The following LAMA1 variants were observed in gnomAD, a reference collection of about 807,000 sequenced individuals.
The protein encoded by LAMA1 is laminin subunit alpha-1.
A neutral mutation model predicts 348.7 loss-of-function variants in LAMA1; 219 were observed. The observed-to-expected ratio is 0.63, with a 90% CI of 0.56 to 0.70. The LOEUF is 0.70. LAMA1 is among the 30% of genes least tolerant of loss of function. The probability of loss-of-function intolerance (pLI) is 0.00; values close to 1 mark genes in which losing one functional copy is unlikely to be tolerated. For missense variants in LAMA1, 3,744 were observed against 3,888.0 expected (o/e 0.96, Z 0.99); for synonymous variants, 1,487 against 1,491.0 (o/e 1.00, Z 0.06).
intron 35 of LAMA1, 55 bp downstream of exon 35, chr18:6,993,586 G>T: frequency 8.2e-7 from 1 of 1,225,688 alleles, no homozygotes; most frequent in Non-Finnish European, 1.2e-6. Context: ...TAAAGCAATG[G>T]TGACTTCTTA....
chr18:7,076,272 A>T (rs1241143137), intron 3 of LAMA1, among the ~76,000 whole-genome samples: 1 of 152,208 alleles, frequency 6.6e-6, no homozygotes, highest in African/African-American at 2.4e-5. Context: ...AGGAAGTAAC[A>T]TTACAAGGAA....
At chr18:7,022,785 T>TTGGAATCCCAAGA (rs943848676) in intron 19 of LAMA1, among the ~76,000 whole-genome samples, 5 of 152,200 alleles carry the variant, frequency 3.3e-5, no homozygotes, top group African/African-American at 1.2e-4. Flanking sequence ...ACCCTTCATC[T>TTGGAATCCCAAGA]TGGAATCCCA....
intron 32 of LAMA1, among the ~76,000 whole-genome samples, chr18:6,998,229 A>G (rs1423911281): frequency 2.0e-5 from 3 of 152,224 alleles, no homozygotes; most frequent in African/African-American, 7.2e-5. Context: ...TGAAACAACT[A>G]TGAGCAAGCA....
At chr18:7,081,760 T>C (rs1419471392) in intron 1 of LAMA1, among the ~76,000 whole-genome samples, 1 of 152,216 alleles carries the variant, frequency 6.6e-6, no homozygotes, top group Non-Finnish European at 1.5e-5. Context: ...GCATGGACAC[T>C]GAGCTGAGAG....
At chr18:7,031,962 A>G (rs1044051062) in intron 16 of LAMA1, 104 bp downstream of exon 16, 6 of 815,220 alleles carry the variant, frequency 7.4e-6, no homozygotes, top group Non-Finnish European at 1.0e-5. Context: ...CTATGAGGCT[A>G]GGGTTATTCC....
chr18:7,080,374 A>G lies in LAMA1; in HGVS notation c.145T>C (p.Phe49Leu). 1 of 1,614,266 alleles carries G rather than the reference A, an allele frequency of 6.2e-7. No individual in the cohort carries two copies. Among genetic ancestry groups the G allele is most frequent in the Non-Finnish European group, 8.5e-7 (1 of 1,180,054 alleles). ...ATCGEKGPEMFCKLVEHVPGR... is the reference protein window; with the variant it reads ...ATCGEKGPEMLCKLVEHVPGR... ...GGCACATGCTCCACAAGTTTGCAGA[A>G]CATCTCCGGCCCCTTCTCGCCACAG... is the stretch of plus-strand genomic sequence containing the variant. Residue 49 changes from phenylalanine (F) to leucine (L), a missense_variant, in exon 2 of 63, where the codon TTC becomes CTC. Phe to Leu is a conservative substitution (Grantham distance 22). Around this residue, in one of 3 missense-constraint regions of LAMA1, gnomAD observed 1,529 missense variants for 1,689.4 expected, o/e 0.91. Coordinates refer to ENST00000389658, the MANE Select transcript of LAMA1 (RefSeq NM_005559.4).
intron 1 of LAMA1, among the ~76,000 whole-genome samples, chr18:7,113,915 A>G: frequency 6.6e-6 from 1 of 151,928 alleles, no homozygotes; most frequent in Non-Finnish European, 1.5e-5. Context: ...TCTCTACTAA[A>G]GAATACAAAA....
intron 50 of LAMA1, 127 bp from the exon 51 acceptor site, chr18:6,964,930 C>T: frequency 1.9e-6 from 2 of 1,080,060 alleles, no homozygotes; most frequent in South Asian, 1.3e-5. Flanking sequence ...CGAATTTGAT[C>T]AGCTAATGTT....
intron 48 of LAMA1, among the ~76,000 whole-genome samples, chr18:6,967,406 AG>A (rs1158748009): frequency 5.9e-5 from 9 of 152,190 alleles, no homozygotes; most frequent in Admixed American, 5.2e-4. Flanking sequence ...CATGTGCCGG[AG>A]GATAGAGACT....
intron 43 of LAMA1, 23 bp from the exon 44 acceptor site, chr18:6,977,904 G>A (rs764717083): frequency 1.9e-5 from 30 of 1,607,940 alleles, no homozygotes; most frequent in Non-Finnish European, 2.5e-5. Flanking sequence ...AGAAGGCAAG[G>A]GGTGGCAAGA....
rs1437237227 is a variant in LAMA1 at position 6,964,708 on chromosome 18, T to C, written c.7291A>G (p.Lys2431Glu). 6.2e-7 allele frequency: 1 copy of C among 1,614,116 alleles called. No individual in the cohort carries two copies. Reference protein sequence around the residue: ...GASSDLNRLDKDPIYVGGLPR... With the variant: ...GASSDLNRLDEDPIYVGGLPR... ...AATCCACCCACATAAATCGGGTCCT[T>C]GTCTAGGCGGTTGAGGTCAGAAGAT... is the stretch of plus-strand genomic sequence containing the variant. Residue 2431 changes from lysine (K) to glutamate (E), a missense_variant, in exon 51 of 63, where the codon AAG becomes GAG. By Grantham distance (56) the Lys-to-Glu change is moderately conservative. Transcript: ENST00000389658.
rs1415294834 is a variant in LAMA1, at chr18:6,965,291, G to C, written c.7192C>G (p.Gln2398Glu). Residue 2398 changes from glutamine to glutamate, a missense_variant, in exon 50 of 63, where the codon CAA becomes GAA. By Grantham distance (29) the Gln-to-Glu change is conservative (BLOSUM62 2). This residue lies in a region of LAMA1 where 1,983 missense variants were observed against 1,934.3 expected (regional missense o/e 1.03). Transcript: ENST00000389658. ...YKIAFQRNRK[Q>E]GVLAVIDAYN... ...GTGAGTCCATCTGTGTCCCTACCTTGCTTCCGGTTTCGCTGGAAGGCAATT... is the reference window on the plus strand; with the variant it reads ...GTGAGTCCATCTGTGTCCCTACCTTCCTTCCGGTTTCGCTGGAAGGCAATT... 1.2e-5 allele frequency: 19 copies of C among 1,614,042 alleles called. No homozygotes were observed. Among genetic ancestry groups the C allele is most frequent in the Non-Finnish European group, 1.6e-5 (19 of 1,180,030 alleles).
In LAMA1 at chr18:7,095,660, G is replaced by C. The variant is rs530620097; in HGVS notation, c.62-15203C>G. 5.9e-5 allele frequency among the ~76,000 whole-genome samples: 9 copies of C among 152,312 alleles called. No homozygotes were observed. In the South Asian group the frequency reaches 6.2e-4, roughly 11 times the overall value. On this transcript the variant is annotated intron_variant, in intron 1 of 62. Transcript: ENST00000389658. Reference sequence around the variant, plus strand: ...GAATTTGGCATCTGTTTCCTCTCAGGGACTGCAATTCCCACGGAATTCTCC... The same window carrying C: ...GAATTTGGCATCTGTTTCCTCTCAGCGACTGCAATTCCCACGGAATTCTCC...
intron 28 of LAMA1, among the ~76,000 whole-genome samples, chr18:7,007,675 T>C (rs982354891): frequency 6.6e-6 from 1 of 152,114 alleles, no homozygotes; most frequent in Non-Finnish European, 1.5e-5. Context: ...AAAGAGATAT[T>C]TGAACCCCTA....
chr18:7,103,878 C>G (rs1319060795), intron 1 of LAMA1, among the ~76,000 whole-genome samples: 1 of 152,074 alleles, frequency 6.6e-6, no homozygotes, highest in Non-Finnish European at 1.5e-5. Context: ...CTGGAGCCAG[C>G]CCCTGCCCCT....
At chr18:6,948,018 A>G (rs1045457221) in intron 60 of LAMA1, among the ~76,000 whole-genome samples, 2 of 152,194 alleles carry the variant, frequency 1.3e-5, no homozygotes, top group Non-Finnish European at 2.9e-5. Flanking sequence ...CCTCTTCCCC[A>G]CCCAAACTTC....
chr18:7,099,340 C>A (rs546680202), intron 1 of LAMA1, among the ~76,000 whole-genome samples: 1 of 151,730 alleles, frequency 6.6e-6, no homozygotes, highest in South Asian at 2.1e-4. Context: ...CGGAAGGCCG[C>A]AGGGTCCTCT....
At position 7,023,305 on chromosome 18, in the gene LAMA1, T is replaced by C. The variant is rs145417931; in HGVS notation, c.2560A>G (p.Asn854Asp). 1.9e-6 allele frequency: 3 copies of C among 1,614,142 alleles called. No homozygotes were observed. Among genetic ancestry groups the C allele is most frequent in the South Asian group, 1.1e-5 (1 of 91,066 alleles). Reference sequence around the variant, plus strand: ...TGACCAGCCTCCGAGGGGTCCACGTTGCCGCTGCAGTCACAGGGAACACAA... The same window carrying C: ...TGACCAGCCTCCGAGGGGTCCACGTCGCCGCTGCAGTCACAGGGAACACAA... ...ESCVPCDCSGNVDPSEAGHCD... is the reference protein window; with the variant it reads ...ESCVPCDCSGDVDPSEAGHCD... Residue 854 changes from asparagine (N) to aspartate (D), a missense_variant, in exon 19 of 63, where the codon AAC becomes GAC. Physicochemically the swap from Asn to Asp is conservative, Grantham distance 23. Coordinates refer to ENST00000389658, the MANE Select transcript of LAMA1 (RefSeq NM_005559.4).
intron 48 of LAMA1, 136 bp from the exon 49 acceptor site, chr18:6,966,433 T>C (rs945875942): frequency 6.5e-6 from 5 of 775,164 alleles, no homozygotes; most frequent in Admixed American, 2.1e-5. Context: ...GTGTAGATGA[T>C]AATATTTAAA....
Sources: allele counts gnomAD v4.1 joint callset (sites outside exome capture counted in the v4.1 genomes callset), GRCh38; gene constraint gnomAD v4.1.1; regional missense constraint gnomAD v4.1.1; transcripts MANE v1.5; gene names NCBI Gene and HGNC (gene_info 2026-07-23, HGNC 2026-07-21).